SVOPL: variants seen among roughly 807,000 people sequenced by gnomAD.
SVOPL encodes the protein putative transporter SVOPL.
Under a neutral mutation model 61.0 loss-of-function variants are expected in SVOPL, and 60 were observed. The ratio of observed to expected loss-of-function variants is 0.98; its 90% CI spans 0.80 to 1.22. SVOPL has a LOEUF of 1.22. Ranked by LOEUF, SVOPL falls within the 50% of genes most tolerant of loss-of-function variation. SVOPL has a pLI of 0.00. For missense variants in SVOPL, 662 were observed against 643.9 expected (o/e 1.03, Z -0.30); for synonymous variants, 279 against 250.0 (o/e 1.12, Z -1.09).
intron 1 of SVOPL, among the ~76,000 whole-genome samples, chr7:138,693,529 AAAAGAAAGAAAGAAAG>A (rs745407235): frequency 0.19 from 22,685 of 116,898 alleles, 2,373 homozygotes; most frequent in Middle Eastern, 0.27. Flanking sequence ...AAAAGAAAGA[AAAAGAAAGAAAGAAAG>A]AAAGAAAGAA....
chr7:138,667,148 G>T (rs2045395), intron 4 of SVOPL, among the ~76,000 whole-genome samples: 3,498 of 152,158 alleles, frequency 0.023, 65 homozygotes, highest in South Asian at 0.035. Context: ...AAAACATCTC[G>T]GGACTCCTAA....
At chr7:138,597,023 G>A (rs1798307444) in intron 14 of SVOPL, 2 of 1,154,982 alleles carry the variant, frequency 1.7e-6, no homozygotes, top group African/African-American at 1.6e-5. Flanking sequence ...CTTGTCTCCG[G>A]TTATGGAGTT....
Position 138,626,064 on chromosome 7 carries a change from A to G in SVOPL, c.1182-14T>C, listed in dbSNP as rs780732524. ...ATCAGGCCGGCACTAGAAAACAGGA[A>G]GCGGAGAGAAATTATAAAAGGCAGC... On this transcript the variant is annotated splice_polypyrimidine_tract_variant and intron_variant, in intron 12 of 15. Transcript: ENST00000674285. The G allele has an allele frequency of 3.7e-6, 6 of 1,613,780 alleles. No homozygotes were observed. Among genetic ancestry groups the G allele is most frequent in the Non-Finnish European group, 5.1e-6 (6 of 1,179,886 alleles).
At chr7:138,597,177 G>A (rs1370901582) in intron 14 of SVOPL, 1 of 1,288,402 alleles carries the variant, frequency 7.8e-7, no homozygotes, top group Non-Finnish European at 1.0e-6. Context: ...CTCTTGGTCT[G>A]TGTTCTTGAT....
chr7:138,645,997 G>C (rs113638077), intron 8 of SVOPL: 2 of 157,748 alleles, frequency 1.3e-5, no homozygotes, highest in Non-Finnish European at 2.8e-5. Flanking sequence ...TGTATTTTTA[G>C]TAGAGATGGG....
intron 13 of SVOPL, among the ~76,000 whole-genome samples, chr7:138,622,050 CTATGTATCTATCTATCTATG>C (rs1799631842): frequency 5.1e-5 from 2 of 39,184 alleles, no homozygotes; most frequent in East Asian, 7.0e-4. Context: ...ATCTATCTAT[CTATGTATCTATCTATCTATG>C]TATCTATCTA....
chr7:138,682,807 A>T (rs1460921074), intron 1 of SVOPL, among the ~76,000 whole-genome samples: 2 of 152,018 alleles, frequency 1.3e-5, no homozygotes, highest in African/African-American at 4.8e-5. Context: ...CATCTCTACT[A>T]AAAATACAAA....
chr7:138,617,580 G>A (rs565010559), intron 14 of SVOPL, among the ~76,000 whole-genome samples: 12 of 152,206 alleles, frequency 7.9e-5, no homozygotes, highest in African/African-American at 1.9e-4. Context: ...CAGGCTCAGC[G>A]GTTCACACCT....
chr7:138,674,301 A>G (rs73730425), intron 3 of SVOPL, among the ~76,000 whole-genome samples: 3,811 of 151,988 alleles, frequency 0.025, 170 homozygotes, highest in African/African-American at 0.087. Flanking sequence ...ATACACCGTC[A>G]CACGAGGCCC....
intron 14 of SVOPL, among the ~76,000 whole-genome samples, chr7:138,607,056 A>G (rs961767294): frequency 2.0e-5 from 3 of 151,972 alleles, no homozygotes; most frequent in Admixed American, 1.3e-4. Context: ...TCTCAATACA[A>G]TAAGTGATAT....
At chr7:138,645,968 A>AC (rs1444463345) in intron 8 of SVOPL, 1 of 159,204 alleles carries the variant, frequency 6.3e-6, no homozygotes, top group African/African-American at 2.4e-5. Flanking sequence ...GGCACGCACC[A>AC]CCACGCCTGG....
At chr7:138,670,355 TG>T (rs777737395) in intron 4 of SVOPL, among the ~76,000 whole-genome samples, 18 of 152,230 alleles carry the variant, frequency 1.2e-4, no homozygotes, top group Non-Finnish European at 2.4e-4. Flanking sequence ...GCCTTTGTTC[TG>T]TAGGTCACAC....
At chr7:138,599,328 A>G (rs1798418028) in intron 14 of SVOPL, among the ~76,000 whole-genome samples, 1 of 152,130 alleles carries the variant, frequency 6.6e-6, no homozygotes, top group Non-Finnish European at 1.5e-5. Context: ...TTTGCCTAGG[A>G]GGAATTAAAG....
At chr7:138,634,649 T>TA (rs940283552) in intron 9 of SVOPL, among the ~76,000 whole-genome samples, 1 of 147,354 alleles carries the variant, frequency 6.8e-6, no homozygotes. Context: ...CCCTGTCTTT[T>TA]AAAAAATCAA....
chr7:138,686,977 T>C (rs945670253), intron 1 of SVOPL, among the ~76,000 whole-genome samples: 1 of 152,160 alleles, frequency 6.6e-6, no homozygotes, highest in Non-Finnish European at 1.5e-5. Flanking sequence ...TATTCCCAGA[T>C]GGGAAAAAGA....
At chr7:138,692,586 GT>G (rs1396866899) in intron 1 of SVOPL, among the ~76,000 whole-genome samples, 4 of 152,004 alleles carry the variant, frequency 2.6e-5, no homozygotes, top group Non-Finnish European at 5.9e-5. Context: ...ATAATATTTT[GT>G]TTCCATGATA....
At chr7:138,650,425 T>C (rs1258938955) in intron 7 of SVOPL, among the ~76,000 whole-genome samples, 2 of 151,890 alleles carry the variant, frequency 1.3e-5, no homozygotes, top group Admixed American at 6.6e-5. Flanking sequence ...GTTCTGAATA[T>C]CTTGTATTGA....
intron 9 of SVOPL, among the ~76,000 whole-genome samples, chr7:138,630,995 A>G (rs987546894): frequency 2.6e-5 from 4 of 151,788 alleles, no homozygotes; most frequent in African/African-American, 7.3e-5. Context: ...ATGATGGCAC[A>G]GAAATGGATT....
chr7:138,699,742 GA>G (rs1304262007), intron 1 of SVOPL, among the ~76,000 whole-genome samples: 1 of 152,054 alleles, frequency 6.6e-6, no homozygotes, highest in Non-Finnish European at 1.5e-5. Flanking sequence ...GGTGAGGGTG[GA>G]AAAAAAGGGC....
Sources: allele counts gnomAD v4.1 joint callset (sites outside exome capture counted in the v4.1 genomes callset), GRCh38; gene constraint gnomAD v4.1.1; transcripts MANE v1.5; gene names NCBI Gene and HGNC (gene_info 2026-07-23, HGNC 2026-07-21).